Variants in MCF2L observed in about 807,000 individuals in gnomAD.
MCF2L encodes guanine nucleotide exchange factor DBS.
In MCF2L, 97 loss-of-function variants were observed where a neutral mutation model predicts 153.4. The observed-to-expected ratio is 0.63, with a 90% CI of 0.54 to 0.75. The LOEUF (loss-of-function observed/expected upper bound fraction) is 0.75, where lower values mean the gene tolerates loss of function less well. Among genes scored for constraint, MCF2L ranks in the 30% least tolerant of loss-of-function variants. The pLI is 0.00. For missense variants in MCF2L, 1,347 were observed against 1,495.2 expected (o/e 0.90, Z 1.64); for synonymous variants, 659 against 632.2 (o/e 1.04, Z -0.64).
intron 4 of MCF2L, among the ~76,000 whole-genome samples, chr13:113,056,055 C>T (rs888177622): frequency 1.5e-4 from 23 of 152,340 alleles, no homozygotes; most frequent in African/African-American, 4.3e-4. Context: ...GCCCTCCCCA[C>T]GCAATGCAGA....
At chr13:113,059,024 T>G (rs1228698129) in intron 4 of MCF2L, among the ~76,000 whole-genome samples, 1 of 147,632 alleles carries the variant, frequency 6.8e-6, no homozygotes, top group South Asian at 2.1e-4. Context: ...GTGCTGAGTG[T>G]TTGGGTGCTG....
At chr13:112,912,192 G>A (rs1176579875) in intron 2 of MCF2L, among the ~76,000 whole-genome samples, 4 of 152,182 alleles carry the variant, frequency 2.6e-5, no homozygotes, top group Non-Finnish European at 5.9e-5. Context: ...CCAGCTCCAG[G>A]AGGACACCTT....
chr13:112,964,586 A>G (rs116144655), upstream of MCF2L, among the ~76,000 whole-genome samples: 1,153 of 152,358 alleles, frequency 7.6e-3, 15 homozygotes, highest in African/African-American at 0.026. Context: ...CAGAGAAACA[A>G]TCAGATGTGA....
chr13:113,089,861 T>A (rs1311268290), intron 26 of MCF2L, 133 bp downstream of exon 26: 1 of 1,612,770 alleles, frequency 6.2e-7, no homozygotes, highest in South Asian at 1.1e-5. Context: ...GGCCCCTTGC[T>A]CCCCTCTTAA....
intron 2 of MCF2L, among the ~76,000 whole-genome samples, chr13:112,911,924 G>T (rs1010662016): frequency 1.3e-5 from 2 of 152,196 alleles, no homozygotes; most frequent in South Asian, 2.1e-4. Context: ...AAGGCTACAC[G>T]CAGGCTAGGT....
In MCF2L at chr13:113,098,224, A is replaced by C. The variant is rs1215572241; in HGVS notation, c.*1365A>C. 10 of 152,574 alleles carry C rather than the reference A, an allele frequency of 6.6e-5. No homozygotes were observed. Among genetic ancestry groups the C allele is most frequent in the Non-Finnish European group, 1.5e-4 (10 of 68,050 alleles). The allele number at this position is 152,574 out of a possible 1,614,324, so 9.5% of individuals were successfully genotyped here. On this transcript the variant is annotated 3_prime_UTR_variant, in exon 30 of 30. Transcript: ENST00000535094. ...TGCATTCCCCTCACGCTACCCTCCC[A>C]GCGGCTTGTAGCCGTCACTGGCCAG...
chr13:112,975,595 G>A (rs973784760), intron 1 of MCF2L, among the ~76,000 whole-genome samples: 4 of 152,138 alleles, frequency 2.6e-5, no homozygotes, highest in African/African-American at 9.6e-5. Context: ...GGTCAGTGCC[G>A]GCGGGTACCC....
intron 5 of MCF2L, among the ~76,000 whole-genome samples, chr13:113,063,306 C>T (rs1021191337): frequency 2.7e-5 from 4 of 150,716 alleles, no homozygotes; most frequent in African/African-American, 9.8e-5. Context: ...AATGTCCAGG[C>T]GCCCCCATCC....
intron 1 of MCF2L, among the ~76,000 whole-genome samples, chr13:112,997,701 C>A (rs2083197537): frequency 6.6e-6 from 1 of 152,244 alleles, no homozygotes; most frequent in South Asian, 2.1e-4. Context: ...GGTCACCCCA[C>A]CCTCGTCCGT....
At chr13:113,006,597 C>T (rs945567570) in intron 1 of MCF2L, among the ~76,000 whole-genome samples, 1 of 152,180 alleles carries the variant, frequency 6.6e-6, no homozygotes, top group African/African-American at 2.4e-5. Context: ...ACCGGAAAGG[C>T]GCTGGCAGGC....
intron 2 of MCF2L, among the ~76,000 whole-genome samples, chr13:112,913,711 C>T (rs140468293): frequency 1.8e-4 from 27 of 152,268 alleles, no homozygotes; most frequent in East Asian, 5.8e-4. Flanking sequence ...GTGTGGATCA[C>T]GGCTGCCCCA....
At chr13:113,056,918 T>A (rs1348259281) in intron 4 of MCF2L, among the ~76,000 whole-genome samples, 1 of 118,706 alleles carries the variant, frequency 8.4e-6, no homozygotes, top group African/African-American at 3.5e-5. Flanking sequence ...GTGCTGAGTG[T>A]TTCGGCGCTG....
rs1211317538 is a variant in MCF2L, at chr13:113,090,919, C to T, written c.2953+1191C>T. ...CTCTGAGTGCCGCAGCCCCCACTCCCATGCCCTCCCGGCCCCTCCTTCACT... is the reference window on the plus strand; with the variant it reads ...CTCTGAGTGCCGCAGCCCCCACTCCTATGCCCTCCCGGCCCCTCCTTCACT... On this transcript the variant is annotated intron_variant, in intron 26 of 29. Transcript: ENST00000535094. 28 of 1,189,134 alleles carry T rather than the reference C, an allele frequency of 2.4e-5. No individual in the cohort carries two copies. In the South Asian group the frequency reaches 2.5e-4, roughly 11 times the overall value. 73.7% of individuals were successfully genotyped at this position (1,189,134 alleles called of 1,614,324 possible).
chr13:113,051,204 C>T (rs2087293083), intron 4 of MCF2L, among the ~76,000 whole-genome samples: 1 of 152,184 alleles, frequency 6.6e-6, no homozygotes, highest in Non-Finnish European at 1.5e-5. Context: ...GCGCACCCTG[C>T]GCGTTCACCA....
At chr13:112,994,104 A>C (rs1277367320) in intron 1 of MCF2L, among the ~76,000 whole-genome samples, 2 of 152,036 alleles carry the variant, frequency 1.3e-5, no homozygotes, top group Non-Finnish European at 2.9e-5. Flanking sequence ...GGGACCCCCC[A>C]AGCTGACGTC....
Position 113,074,627 on chromosome 13 carries a change from G to A in MCF2L, c.1116+64G>A, listed in dbSNP as rs2033261698. 2 of 1,591,904 alleles carry A rather than the reference G, an allele frequency of 1.3e-6. No homozygotes were observed. The highest frequency in any genetic ancestry group is 3.4e-5 in the Admixed American group (2 of 59,612). On this transcript the variant is annotated intron_variant, in intron 10 of 29. Coordinates refer to ENST00000535094, the MANE Select transcript of MCF2L (RefSeq NM_001112732.3). The surrounding 1 kb of genome is among the most constrained non-coding windows in gnomAD (Gnocchi z 4.2). ...GGCAGCATCATCAAGTGCTGCTCAG[G>A]AAGGCGCAGGAATGGGCCTCCCGCC...
intron 2 of MCF2L, among the ~76,000 whole-genome samples, chr13:112,938,685 A>T (rs2081546677): frequency 6.6e-6 from 1 of 152,152 alleles, no homozygotes; most frequent in African/African-American, 2.4e-5. Flanking sequence ...TGCTCATGTC[A>T]ACTATTTAAT....
At chr13:113,093,285 C>T (rs1042020310) in intron 26 of MCF2L, among the ~76,000 whole-genome samples, 1 of 152,256 alleles carries the variant, frequency 6.6e-6, no homozygotes, top group African/African-American at 2.4e-5. Context: ...GTCCTCAATT[C>T]TCACACAGAT....
At chr13:113,087,846 G>A in intron 23 of MCF2L, 47 bp downstream of exon 23, 1 of 1,487,412 alleles carries the variant, frequency 6.7e-7, no homozygotes, top group Non-Finnish European at 9.4e-7. Context: ...TGCCACGAAT[G>A]GTTTCTCATG....
Sources: allele counts gnomAD v4.1 joint callset (sites outside exome capture counted in the v4.1 genomes callset), GRCh38; gene constraint gnomAD v4.1.1; non-coding constraint Gnocchi (gnomAD v3.1); transcripts MANE v1.5; gene names NCBI Gene and HGNC (gene_info 2026-07-23, HGNC 2026-07-21).